Variants in CTIF observed in about 807,000 individuals in gnomAD.
CTIF encodes the protein CBP80/20-dependent translation initiation factor.
Under a neutral mutation model 66.0 loss-of-function variants are expected in CTIF, and 21 were observed. The observed-to-expected ratio is 0.32, with a 90% CI of 0.23 to 0.46. CTIF has a LOEUF of 0.46. CTIF is among the 20% of genes least tolerant of loss of function. The pLI, the probability that CTIF is intolerant of heterozygous loss-of-function variation, is 1.00. For synonymous variants in CTIF, 345 were observed against 326.4 expected (o/e 1.06, Z -0.62); for missense variants, 739 against 812.7 (o/e 0.91, Z 1.10).
chr18:48,853,517 C>T (rs766886846), intron 10 of CTIF, among the ~76,000 whole-genome samples: 57 of 152,310 alleles, frequency 3.7e-4, no homozygotes, highest in Non-Finnish European at 6.8e-4. Context: ...GACCGTTGCT[C>T]TCCACCTGCT....
At chr18:48,737,451 G>T (rs2092513025) in intron 7 of CTIF, among the ~76,000 whole-genome samples, 2 of 152,204 alleles carry the variant, frequency 1.3e-5, no homozygotes, top group African/African-American at 4.8e-5. Context: ...AATTCTAGGG[G>T]CTCTTTGCCC....
At chr18:48,745,891 C>A (rs2092592291) in intron 7 of CTIF, among the ~76,000 whole-genome samples, 1 of 152,218 alleles carries the variant, frequency 6.6e-6, no homozygotes, top group Non-Finnish European at 1.5e-5. Context: ...GTTCCACCAG[C>A]CCTGGCTCAA....
chr18:48,555,649 C>CT (rs1276425257), intron 1 of CTIF, among the ~76,000 whole-genome samples: 1 of 152,228 alleles, frequency 6.6e-6, no homozygotes, highest in East Asian at 1.9e-4. Flanking sequence ...GGCTTCATTT[C>CT]TTTTTTGCTC....
chr18:48,664,752 G>A (rs34006130), intron 5 of CTIF, among the ~76,000 whole-genome samples: 8 of 151,980 alleles, frequency 5.3e-5, no homozygotes, highest in Admixed American at 4.6e-4. Context: ...GCCCCCTCTA[G>A]CCATGCCATC....
At position 48,711,614 on chromosome 18, in the gene CTIF, C is replaced by G. The variant is rs375318011; in HGVS notation, c.508-5C>G. 2.5e-5 allele frequency: 40 copies of G among 1,613,518 alleles called. No homozygotes were observed. The highest frequency in any genetic ancestry group is 3.3e-5 in the Non-Finnish European group (39 of 1,179,626). On this transcript the variant is annotated splice_polypyrimidine_tract_variant and splice_region_variant and intron_variant, in intron 6 of 11. Coordinates refer to ENST00000256413, the MANE Select transcript of CTIF (RefSeq NM_014772.3). ...ATGATCCCCCTTCCTCCCCCCATGA[C>G]ACAGGGCTACCACCCGATGCCCCAT... is the stretch of plus-strand genomic sequence containing the variant.
chr18:48,647,989 C>T (rs1443623572), intron 3 of CTIF, among the ~76,000 whole-genome samples: 1 of 152,166 alleles, frequency 6.6e-6, no homozygotes, highest in African/African-American at 2.4e-5. Context: ...TCCCCATCTC[C>T]TGGAAGCCTT....
chr18:48,583,516 AACAG>A (rs2089705329), intron 1 of CTIF, among the ~76,000 whole-genome samples: 1 of 152,138 alleles, frequency 6.6e-6, no homozygotes, highest in African/African-American at 2.4e-5. Flanking sequence ...GTTTGTAATT[AACAG>A]ACAGTGTGCC....
intron 3 of CTIF, among the ~76,000 whole-genome samples, chr18:48,653,371 C>T (rs1283760178): frequency 6.6e-6 from 1 of 152,158 alleles, no homozygotes; most frequent in Non-Finnish European, 1.5e-5. Context: ...AACTCCCATT[C>T]ACAATTGCTA....
At chr18:48,594,749 C>T (rs2089958922) in intron 1 of CTIF, among the ~76,000 whole-genome samples, 1 of 152,226 alleles carries the variant, frequency 6.6e-6, no homozygotes, top group Non-Finnish European at 1.5e-5. Flanking sequence ...GAGCTCCCCA[C>T]AGGAGTTTAT....
chr18:48,815,536 TACAC>T lies in CTIF; in HGVS notation c.1372-1679_1372-1676del, dbSNP rs761127940. On this transcript the variant is annotated intron_variant, in intron 9 of 11. Transcript: ENST00000256413. ...ATATAGATATCAAAATAGTTATAGA[TACAC>T]ACACAAGTATATACTTTTTTGTAAC... is the stretch of plus-strand genomic sequence containing the variant. Among the ~76,000 whole-genome samples the T allele has an allele frequency of 7.2e-5, 11 of 152,372 alleles. No homozygotes were observed. The East Asian group carries it at 7.7e-4, about 11-fold the overall frequency.
At chr18:48,606,164 C>A (rs944344562) in intron 1 of CTIF, among the ~76,000 whole-genome samples, 6 of 152,210 alleles carry the variant, frequency 3.9e-5, no homozygotes, top group African/African-American at 1.2e-4. Context: ...CAGAAGAAGC[C>A]TTTGCAGCTC....
intron 10 of CTIF, among the ~76,000 whole-genome samples, chr18:48,825,533 GA>G (rs2068566462): frequency 1.3e-5 from 2 of 152,220 alleles, no homozygotes. Context: ...TCTGACCTCG[GA>G]AAAGGCTGAG....
At chr18:48,560,866 CG>C (rs1309801468) in intron 1 of CTIF, among the ~76,000 whole-genome samples, 5 of 152,184 alleles carry the variant, frequency 3.3e-5, no homozygotes, top group Non-Finnish European at 5.9e-5. Context: ...AACCACTGCC[CG>C]GCCTATCCTT....
chr18:48,657,492 C>T (rs1380475978), intron 3 of CTIF, among the ~76,000 whole-genome samples: 1 of 152,196 alleles, frequency 6.6e-6, no homozygotes, highest in African/African-American at 2.4e-5. Context: ...ACCAACCCTC[C>T]CTTCTCTCAG....
intron 3 of CTIF, among the ~76,000 whole-genome samples, chr18:48,654,920 A>G (rs991995041): frequency 6.6e-6 from 1 of 152,112 alleles, no homozygotes; most frequent in African/African-American, 2.4e-5. Flanking sequence ...TGGGAACTGA[A>G]CAATGAGAAC....
intron 3 of CTIF, among the ~76,000 whole-genome samples, chr18:48,658,294 C>T (rs1408526308): frequency 6.6e-6 from 1 of 151,672 alleles, no homozygotes; most frequent in East Asian, 1.9e-4. Flanking sequence ...GGTCTACATG[C>T]ATGTTGTGTG....
At chr18:48,558,218 AT>A (rs1250888618) in intron 1 of CTIF, among the ~76,000 whole-genome samples, 7 of 152,254 alleles carry the variant, frequency 4.6e-5, no homozygotes, top group African/African-American at 1.7e-4. Flanking sequence ...TAAGCCATGT[AT>A]TCATCTATGT....
At chr18:48,591,692 A>G (rs901805047) in intron 1 of CTIF, among the ~76,000 whole-genome samples, 6 of 152,254 alleles carry the variant, frequency 3.9e-5, no homozygotes, top group Non-Finnish European at 5.9e-5. Context: ...ATTGATAGTT[A>G]GAGTAAGTAA....
chr18:48,669,194 T>C (rs2091483704), intron 5 of CTIF, among the ~76,000 whole-genome samples: 1 of 152,012 alleles, frequency 6.6e-6, no homozygotes, highest in African/African-American at 2.4e-5. Flanking sequence ...AAAACTGATT[T>C]TTTTTTTGGT....
Sources: gnomAD v4.1 joint callset for allele counts (sites outside exome capture counted in the v4.1 genomes callset) on GRCh38, gnomAD v4.1.1 for gene constraint, MANE v1.5 for transcripts, NCBI Gene and HGNC (gene_info 2026-07-23, HGNC 2026-07-21) for gene names.